CELF4: variants seen among roughly 807,000 people sequenced by gnomAD.
The protein encoded by CELF4 is CUGBP Elav-like family member 4.
Under a neutral mutation model 59.9 loss-of-function variants are expected in CELF4, and 18 were observed. The ratio of observed to expected loss-of-function variants is 0.30; its 90% CI spans 0.21 to 0.45. The LOEUF (loss-of-function observed/expected upper bound fraction) is 0.45, where lower values mean the gene tolerates loss of function less well. CELF4 is among the 20% of genes least tolerant of loss of function. CELF4 has a pLI of 1.00. For missense variants in CELF4, 456 were observed against 689.0 expected (o/e 0.66, Z 3.79); for synonymous variants, 261 against 267.1 (o/e 0.98, Z 0.22).
At chr18:37,556,221 C>G (rs1008283016) in intron 1 of CELF4, among the ~76,000 whole-genome samples, 2 of 152,232 alleles carry the variant, frequency 1.3e-5, no homozygotes, top group Non-Finnish European at 1.5e-5. Flanking sequence ...TGGGAGCAGT[C>G]TGGCCAGAAC....
chr18:37,554,857 C>T (rs2099984316), intron 1 of CELF4, among the ~76,000 whole-genome samples: 2 of 152,156 alleles, frequency 1.3e-5, no homozygotes, highest in Non-Finnish European at 2.9e-5. Flanking sequence ...AGGACTGCCC[C>T]AAGAGAATTC....
intron 2 of CELF4, among the ~76,000 whole-genome samples, chr18:37,478,095 G>A (rs1414298596): frequency 3.3e-5 from 5 of 152,176 alleles, no homozygotes; most frequent in South Asian, 2.1e-4. Flanking sequence ...AGACACTGTC[G>A]TCCTTGCTCT....
chr18:37,508,025 C>T (rs759294734), intron 1 of CELF4, among the ~76,000 whole-genome samples: 31 of 152,304 alleles, frequency 2.0e-4, no homozygotes, highest in African/African-American at 6.0e-4. Flanking sequence ...GTCCAGACCT[C>T]GCCATCACTC....
In CELF4 at chr18:37,364,777, A is replaced by G. The variant is rs2098754177; in HGVS notation, c.370-42896T>C. Among the ~76,000 whole-genome samples the G allele has an allele frequency of 2.0e-5, 3 of 152,208 alleles. No homozygotes were observed. In the South Asian group the frequency reaches 6.2e-4, roughly 32 times the overall value. On this transcript the variant is annotated intron_variant, in intron 2 of 12. Coordinates refer to ENST00000420428, the MANE Select transcript of CELF4 (RefSeq NM_020180.4). ...TAAGGTATTCCAAAGCTAAATATGA[A>G]TGATTTCTATGCAGTTCAGTGATGG...
intron 1 of CELF4, among the ~76,000 whole-genome samples, chr18:37,563,018 T>G (rs542874978): frequency 6.6e-6 from 1 of 151,920 alleles, no homozygotes; most frequent in Non-Finnish European, 1.5e-5. Flanking sequence ...AAATGAAGTT[T>G]TGTTTGTCCT....
intron 1 of CELF4, among the ~76,000 whole-genome samples, chr18:37,496,430 A>G (rs909726228): frequency 6.6e-6 from 1 of 152,242 alleles, no homozygotes; most frequent in Non-Finnish European, 1.5e-5. Context: ...GGTGGCACTC[A>G]GGACCTGCCT....
rs2067493546 is a variant in CELF4, at chr18:37,254,129, G to C, written c.1334-191C>G. The C allele has an allele frequency of 4.1e-6, 1 of 241,744 alleles. No individual in the cohort carries two copies. The highest frequency in any genetic ancestry group is 5.8e-5 in the Admixed American group (1 of 17,388). The allele number at this position is 241,744 out of a possible 1,614,324, so 15.0% of individuals were successfully genotyped here. A position where few individuals can be genotyped will look rare whatever the true frequency, so the allele number is the denominator to read the frequency against. On this transcript the variant is annotated intron_variant, in intron 11 of 12. Transcript: ENST00000420428. This position sits in a 1 kb window ranked among gnomAD's most constrained non-coding sequence, Gnocchi z 5.1. ...GCGTGCTAGGCCCCTCCGGGGGCAGGCGCTGGCGGGGACCCGGCTCGCTGA... is the reference window on the plus strand; with the variant it reads ...GCGTGCTAGGCCCCTCCGGGGGCAGCCGCTGGCGGGGACCCGGCTCGCTGA...
Position 37,551,327 on chromosome 18 carries a change from C to A in CELF4, c.286+14029G>T, listed in dbSNP as rs192347098. Among the ~76,000 whole-genome samples, 783 of 152,322 alleles carry A rather than the reference C, an allele frequency of 5.1e-3. 28 individuals are homozygous for A. The highest frequency in any genetic ancestry group is 0.046 in the Admixed American group (709 of 15,300). ...AGGCCACCTCAGCCATGACTGCCCC[C>A]CTGGGCTGAGTTTCTCTTCCAGAGA... On this transcript the variant is annotated intron_variant, in intron 1 of 12. Coordinates refer to ENST00000420428, the MANE Select transcript of CELF4 (RefSeq NM_020180.4).
At chr18:37,321,716 G>T in intron 3 of CELF4, 87 bp downstream of exon 3, 1 of 938,732 alleles carries the variant, frequency 1.1e-6, no homozygotes. Flanking sequence ...GAGGAGGCGG[G>T]GAGTCGCTGC....
At chr18:37,536,217 G>T (rs1387498871) in intron 1 of CELF4, among the ~76,000 whole-genome samples, 1 of 152,076 alleles carries the variant, frequency 6.6e-6, no homozygotes, top group Non-Finnish European at 1.5e-5. Flanking sequence ...CTCCCTGGAG[G>T]GGTGATGGGA....
At chr18:37,470,243 G>A (rs1325424716) in intron 2 of CELF4, among the ~76,000 whole-genome samples, 3 of 152,034 alleles carry the variant, frequency 2.0e-5, no homozygotes, top group Non-Finnish European at 4.4e-5. Flanking sequence ...GCAGGAATAT[G>A]TTGTCAACCT....
rs2072484654 is a variant in CELF4 at position 37,259,170 on chromosome 18, G to C, written c.1333+11C>G. ...CCCGATCCACAAACACTTTCGAGGA[G>C]ATGACATTACCGAAAGGGAGGAACA... On this transcript the variant is annotated intron_variant, in intron 11 of 12. Coordinates refer to ENST00000420428, the MANE Select transcript of CELF4 (RefSeq NM_020180.4). The C allele has an allele frequency of 6.2e-7, 1 of 1,613,434 alleles. No individual in the cohort carries two copies.
chr18:37,342,233 GCACA>G (rs56845978), intron 2 of CELF4, among the ~76,000 whole-genome samples: 1,493 of 145,868 alleles, frequency 0.01, 18 homozygotes, highest in African/African-American at 0.026. Context: ...AACAGCACAT[GCACA>G]CACACACACA....
chr18:37,331,018 T>A (rs1158332681), intron 2 of CELF4, among the ~76,000 whole-genome samples: 2 of 152,210 alleles, frequency 1.3e-5, no homozygotes, highest in African/African-American at 4.8e-5. Context: ...TAAGATTTTT[T>A]AATAAATTTG....
chr18:37,354,656 C>T (rs551033146), intron 2 of CELF4, among the ~76,000 whole-genome samples: 3 of 152,336 alleles, frequency 2.0e-5, no homozygotes, highest in East Asian at 3.9e-4. Context: ...GCTCCCCTGA[C>T]TCCTTACACT....
chr18:37,324,945 A>G (rs778970078), intron 2 of CELF4, among the ~76,000 whole-genome samples: 7 of 152,132 alleles, frequency 4.6e-5, no homozygotes, highest in Non-Finnish European at 8.8e-5. Context: ...ACATCTGCCT[A>G]CTCATTTAAG....
At chr18:37,511,361 G>A (rs1044220640) in intron 1 of CELF4, among the ~76,000 whole-genome samples, 36 of 152,106 alleles carry the variant, frequency 2.4e-4, no homozygotes, top group Admixed American at 1.2e-3. Flanking sequence ...GTCTCCCCGC[G>A]TCCGGGTCCC....
chr18:37,292,960 T>C (rs1237652045), intron 3 of CELF4, among the ~76,000 whole-genome samples: 1 of 152,234 alleles, frequency 6.6e-6, no homozygotes, highest in Non-Finnish European at 1.5e-5. Flanking sequence ...TAACTTCTCT[T>C]CAAGTGGCCT....
intron 3 of CELF4, among the ~76,000 whole-genome samples, chr18:37,287,612 C>A (rs1254326433): frequency 3.3e-5 from 5 of 152,206 alleles, no homozygotes; most frequent in Non-Finnish European, 7.3e-5. Context: ...AATCCCAGGC[C>A]CCTGTTTCTC....
Sources: gnomAD v4.1 joint callset for allele counts (sites outside exome capture counted in the v4.1 genomes callset) on GRCh38, gnomAD v4.1.1 for gene constraint, Gnocchi (gnomAD v3.1) non-coding constraint, MANE v1.5 for transcripts, NCBI Gene and HGNC (gene_info 2026-07-23, HGNC 2026-07-21) for gene names.